Variants in ANKRD55 observed in about 807,000 individuals in gnomAD.
ANKRD55 encodes ankyrin repeat domain-containing protein 55.
Under a neutral mutation model 60.6 loss-of-function variants are expected in ANKRD55, and 41 were observed. The ratio of observed to expected loss-of-function variants is 0.68; its 90% CI spans 0.53 to 0.88. The LOEUF is 0.88. Ranked by LOEUF, ANKRD55 falls within the 40% of genes least tolerant of loss-of-function variation. The pLI, the probability that ANKRD55 is intolerant of heterozygous loss-of-function variation, is 0.00. For synonymous variants in ANKRD55, 264 were observed against 290.3 expected (o/e 0.91, Z 0.92); for missense variants, 732 against 767.6 (o/e 0.95, Z 0.55).
At chr5:56,150,623 C>T (rs1339431449) in intron 6 of ANKRD55, among the ~76,000 whole-genome samples, 10 of 151,810 alleles carry the variant, frequency 6.6e-5, no homozygotes, top group African/African-American at 4.8e-5. Context: ...ATAGGCTGGG[C>T]GTGGTGCCTC....
chr5:56,133,907 C>A (rs1757489568), intron 7 of ANKRD55, among the ~76,000 whole-genome samples: 1 of 110,592 alleles, frequency 9.0e-6, no homozygotes, highest in African/African-American at 2.9e-5. Flanking sequence ...AAAAGAAGAG[C>A]AAATTAAATC....
chr5:56,114,592 G>A (rs1756832128), intron 9 of ANKRD55, among the ~76,000 whole-genome samples: 1 of 152,152 alleles, frequency 6.6e-6, no homozygotes, highest in Non-Finnish European at 1.5e-5. Flanking sequence ...TTATAATTAA[G>A]TGAACCAATA....
At chr5:56,115,420 G>A (rs1254035209) in intron 9 of ANKRD55, among the ~76,000 whole-genome samples, 2 of 151,430 alleles carry the variant, frequency 1.3e-5, no homozygotes, top group African/African-American at 2.4e-5. Context: ...CCAGGCTCAA[G>A]CGATTCTCCT....
chr5:56,219,043 C>T (rs4455515), intron 2 of ANKRD55, among the ~76,000 whole-genome samples: 14,997 of 151,958 alleles, frequency 0.099, 1,313 homozygotes, highest in African/African-American at 0.24. Context: ...GAGGCCGAGG[C>T]GGGCGGATCA....
intron 2 of ANKRD55, among the ~76,000 whole-genome samples, chr5:56,213,535 T>C (rs1252329801): frequency 2.0e-5 from 3 of 151,752 alleles, no homozygotes; most frequent in African/African-American, 7.3e-5. Flanking sequence ...AAAACAATAT[T>C]GAGGGAGATT....
chr5:56,193,942 A>G (rs1456664611), intron 2 of ANKRD55, among the ~76,000 whole-genome samples: 4 of 152,206 alleles, frequency 2.6e-5, no homozygotes, highest in Admixed American at 1.3e-4. Flanking sequence ...GACCATCTGT[A>G]TTATTGTCAC....
At chr5:56,175,937 T>C (rs116211059) in intron 4 of ANKRD55, among the ~76,000 whole-genome samples, 1,938 of 152,280 alleles carry the variant, frequency 0.013, 47 homozygotes, top group African/African-American at 0.044. Flanking sequence ...ACCTCTATCT[T>C]AGAGGATTGT....
intron 6 of ANKRD55, among the ~76,000 whole-genome samples, chr5:56,157,904 T>A (rs1204444910): frequency 6.6e-6 from 1 of 152,134 alleles, no homozygotes; most frequent in Non-Finnish European, 1.5e-5. Flanking sequence ...CTTTCTTTTC[T>A]CAAGTCTCTC....
At chr5:56,122,471 T>A (rs1306945381) in intron 8 of ANKRD55, among the ~76,000 whole-genome samples, 3 of 151,232 alleles carry the variant, frequency 2.0e-5, no homozygotes, top group Admixed American at 2.0e-4. Context: ...GCCAACATGG[T>A]GAAACCCCTA....
intron 6 of ANKRD55, among the ~76,000 whole-genome samples, chr5:56,155,169 G>C (rs1221432836): frequency 6.6e-6 from 1 of 151,790 alleles, no homozygotes; most frequent in Non-Finnish European, 1.5e-5. Context: ...GCTGCAGTGG[G>C]CTGTGATCGT....
intron 2 of ANKRD55, among the ~76,000 whole-genome samples, chr5:56,188,840 C>T (rs548325452): frequency 4.9e-4 from 75 of 152,064 alleles, no homozygotes; most frequent in South Asian, 1.0e-3. Flanking sequence ...ACTGATAAAA[C>T]GTTTTAAAAA....
Position 56,099,785 on chromosome 5 carries a change from T to G in ANKRD55, c.*398A>C, listed in dbSNP as rs58798753. On this transcript the variant is annotated 3_prime_UTR_variant, in exon 12 of 12. Transcript: ENST00000341048. The stretch of plus-strand genomic sequence containing the variant: ...GTCTGGGATGTGGTTTTTTTTTTGT[T>G]TTGTTTTTTGCTTTTATTCAGCAAA... The G allele has an allele frequency of 0.11, 16,577 of 157,532 alleles. 2,886 individuals carry two copies. The highest frequency in any genetic ancestry group is 0.37 in the African/African-American group (15,313 of 40,850). The allele number at this position is 157,532 out of a possible 1,614,324, so 9.8% of individuals were successfully genotyped here.
At chr5:56,110,438 A>G (rs545547078) in intron 10 of ANKRD55, 8 of 152,350 alleles carry the variant, frequency 5.3e-5, no homozygotes, top group African/African-American at 1.9e-4. Context: ...TGATACATTT[A>G]TTTAAAAGGT....
chr5:56,110,247 A>T (rs1490264585), intron 10 of ANKRD55, among the ~76,000 whole-genome samples: 2 of 151,286 alleles, frequency 1.3e-5, no homozygotes, highest in African/African-American at 4.9e-5. Flanking sequence ...AAAAAAAAAA[A>T]AAATAGCCAG....
At chr5:56,130,488 C>T (rs576621785) in intron 7 of ANKRD55, among the ~76,000 whole-genome samples, 12 of 152,220 alleles carry the variant, frequency 7.9e-5, no homozygotes, top group African/African-American at 2.4e-4. Context: ...AATCATAGGA[C>T]GATATAGTAC....
Position 56,154,747 on chromosome 5 carries a change from G to C in ANKRD55, c.483+5086C>G, listed in dbSNP as rs576461609. On this transcript the variant is annotated intron_variant, in intron 6 of 11. Coordinates refer to ENST00000341048, the MANE Select transcript of ANKRD55 (RefSeq NM_024669.3). ...GGGGCTACAGGCATGAGCCACTACA[G>C]CCGGCTAATTTTCATATTTTTAGTA... 2.6e-3 allele frequency among the ~76,000 whole-genome samples: 395 copies of C among 152,122 alleles called. 1 individual carries two copies. The highest frequency in any genetic ancestry group is 9.2e-3 in the African/African-American group (384 of 41,552).
chr5:56,128,002 G>A (rs1757320730), intron 7 of ANKRD55, among the ~76,000 whole-genome samples: 1 of 152,146 alleles, frequency 6.6e-6, no homozygotes, highest in Admixed American at 6.5e-5. Context: ...GTCACCTAAA[G>A]TTTAGGTGAG....
At chr5:56,163,478 C>T (rs1758380491) in intron 5 of ANKRD55, among the ~76,000 whole-genome samples, 3 of 152,184 alleles carry the variant, frequency 2.0e-5, no homozygotes, top group African/African-American at 7.2e-5. Context: ...GTTCAGACTC[C>T]CTCCTGTCCT....
intron 8 of ANKRD55, among the ~76,000 whole-genome samples, chr5:56,119,046 AC>A (rs750714003): frequency 7.2e-5 from 11 of 152,232 alleles, no homozygotes; most frequent in Non-Finnish European, 1.6e-4. Flanking sequence ...CATACTTATA[AC>A]CTACAAATCC....
Sources: gnomAD v4.1 joint callset for allele counts (sites outside exome capture counted in the v4.1 genomes callset) on GRCh38, gnomAD v4.1.1 for gene constraint, MANE v1.5 for transcripts, NCBI Gene and HGNC (gene_info 2026-07-23, HGNC 2026-07-21) for gene names.